Variants in AMOTL1 observed in about 807,000 individuals in gnomAD.
The protein encoded by AMOTL1 is angiomotin-like protein 1.
In AMOTL1, 45 loss-of-function variants were observed where a neutral mutation model predicts 102.9. That is an observed-to-expected ratio of 0.44 (90% CI 0.34 to 0.56). The LOEUF is 0.56. Ranked by LOEUF, AMOTL1 falls within the 20% of genes least tolerant of loss-of-function variation. The pLI, the probability that AMOTL1 is intolerant of heterozygous loss-of-function variation, is 0.01. For synonymous variants in AMOTL1, 481 were observed against 484.7 expected (o/e 0.99, Z 0.10); for missense variants, 1,114 against 1,225.6 (o/e 0.91, Z 1.36).
intron 3 of AMOTL1, among the ~76,000 whole-genome samples, chr11:94,811,431 G>A (rs940762699): frequency 1.3e-5 from 2 of 152,028 alleles, no homozygotes; most frequent in African/African-American, 2.4e-5. Context: ...GGAGGTGGAG[G>A]TTGCAGTAAG....
At chr11:94,769,442 G>C (rs943586055) in intron 1 of AMOTL1, among the ~76,000 whole-genome samples, 1 of 152,120 alleles carries the variant, frequency 6.6e-6, no homozygotes, top group African/African-American at 2.4e-5. Flanking sequence ...CCGCTACCTG[G>C]ACTGCGCTCG....
chr11:94,849,488 C>A (rs903912347), intron 6 of AMOTL1, among the ~76,000 whole-genome samples: 1 of 152,150 alleles, frequency 6.6e-6, no homozygotes, highest in Non-Finnish European at 1.5e-5. Flanking sequence ...AGGCAGTGAT[C>A]GCCATCATTA....
At chr11:94,755,198 G>A (rs1286265579) in intron 3 of AMOTL1, among the ~76,000 whole-genome samples, 1 of 152,178 alleles carries the variant, frequency 6.6e-6, no homozygotes, top group Non-Finnish European at 1.5e-5. Context: ...TTTGATGCGT[G>A]CTTCACTGTG....
chr11:94,838,376 A>G lies in AMOTL1; in HGVS notation c.1648+6835A>G, dbSNP rs191679559. On this transcript the variant is annotated intron_variant, in intron 6 of 12. Transcript: ENST00000433060. ...CATATAGGCTATCTACTATCAACTC[A>G]CTGTGTTTTAGGCCACAAGTCAGCA... Among the ~76,000 whole-genome samples, 88 of 152,340 alleles carry G rather than the reference A, an allele frequency of 5.8e-4. 1 individual carries two copies. The highest frequency in any genetic ancestry group is 7.9e-4 in the Non-Finnish European group (54 of 68,024).
Position 94,840,285 on chromosome 11 carries a change from G to A in AMOTL1, c.1648+8744G>A, listed in dbSNP as rs530716484. On this transcript the variant is annotated intron_variant, in intron 6 of 12. Coordinates refer to ENST00000433060, the MANE Select transcript of AMOTL1 (RefSeq NM_130847.3). ...TGAGAGCCTACAGCTGTATCTTAATGGATTCAGAGAACTTTTGAGGGGACA... is the reference window on the plus strand; with the variant it reads ...TGAGAGCCTACAGCTGTATCTTAATAGATTCAGAGAACTTTTGAGGGGACA... Among the ~76,000 whole-genome samples the A allele has an allele frequency of 8.8e-4, 134 of 152,240 alleles. 1 individual carries two copies. Among genetic ancestry groups the A allele is most frequent in the African/African-American group, 3.1e-3 (130 of 41,542 alleles).
intron 9 of AMOTL1, among the ~76,000 whole-genome samples, chr11:94,862,089 G>A (rs1952786129): frequency 6.6e-6 from 1 of 152,138 alleles, no homozygotes; most frequent in Non-Finnish European, 1.5e-5. Context: ...TGGATGGGCA[G>A]AGGGAGCCCC....
intron 3 of AMOTL1, among the ~76,000 whole-genome samples, chr11:94,752,271 C>T (rs536578414): frequency 2.4e-4 from 36 of 152,238 alleles, no homozygotes; most frequent in African/African-American, 8.7e-4. Flanking sequence ...CCTCAGCCCC[C>T]ACTCACCTCC....
intron 3 of AMOTL1, among the ~76,000 whole-genome samples, chr11:94,752,615 C>A (rs921962957): frequency 1.3e-5 from 2 of 152,178 alleles, no homozygotes; most frequent in African/African-American, 4.8e-5. Context: ...ACCCCCAAAT[C>A]TAGAGTGGAC....
At chr11:94,712,746 G>C (rs895384422) in intron 1 of AMOTL1, among the ~76,000 whole-genome samples, 3 of 151,852 alleles carry the variant, frequency 2.0e-5, no homozygotes, top group Non-Finnish European at 4.4e-5. Context: ...TCCTTTATTA[G>C]ATGTATGGTT....
chr11:94,830,902 T>A (rs75050034), intron 5 of AMOTL1, among the ~76,000 whole-genome samples: 2 of 152,270 alleles, frequency 1.3e-5, no homozygotes, highest in Non-Finnish European at 1.5e-5. Context: ...ATCATCTGCA[T>A]CCAGTGAATA....
chr11:94,789,250 C>CT (rs1951241576), intron 1 of AMOTL1, among the ~76,000 whole-genome samples: 2 of 152,290 alleles, frequency 1.3e-5, no homozygotes, highest in East Asian at 3.9e-4. Context: ...CCTTTGCCTC[C>CT]TGGGTTCAAG....
intron 3 of AMOTL1, among the ~76,000 whole-genome samples, chr11:94,755,798 G>T (rs987146420): frequency 2.6e-5 from 4 of 152,204 alleles, no homozygotes; most frequent in Admixed American, 2.6e-4. Flanking sequence ...CGAAGCCCCA[G>T]TGGGTGTGTG....
chr11:94,841,792 A>T (rs1254150926), intron 6 of AMOTL1, among the ~76,000 whole-genome samples: 1 of 151,886 alleles, frequency 6.6e-6, no homozygotes, highest in African/African-American at 2.4e-5. Context: ...TTGGGTGGGT[A>T]AAAAAACCTC....
Position 94,869,472 on chromosome 11 carries a change from G to A in AMOTL1, c.2763G>A (p.Leu921=). The A allele has an allele frequency of 6.3e-7, 1 of 1,592,800 alleles. No individual in the cohort carries two copies. Reference sequence around the variant, plus strand: ...CGGCCAAAGGGACCGCAGAGAAACTGGGTATGTGGGCTACCCCACCTTGAT... The same window carrying A: ...CGGCCAAAGGGACCGCAGAGAAACTAGGTATGTGGGCTACCCCACCTTGAT... The part of the protein sequence containing the change: ...HPAAKGTAEK[L]ENSPGHGKSP... The change falls in exon 12 of 13, where the codon CTG becomes CTA. Residue 921 remains leucine (L), a splice_region_variant and synonymous_variant. Coordinates refer to ENST00000433060, the MANE Select transcript of AMOTL1 (RefSeq NM_130847.3).
At chr11:94,854,159 C>T in intron 8 of AMOTL1, 77 bp downstream of exon 8, 3 of 1,439,098 alleles carry the variant, frequency 2.1e-6, no homozygotes, top group Non-Finnish European at 2.8e-6. Flanking sequence ...TACCATGGGC[C>T]AGATCCTGCA....
chr11:94,870,846 G>A lies in AMOTL1; in HGVS notation c.*51G>A, dbSNP rs1952983053. 23 of 1,461,170 alleles carry A rather than the reference G, an allele frequency of 1.6e-5. No homozygotes were observed. Among genetic ancestry groups the A allele is most frequent in the East Asian group, 9.9e-5 (4 of 40,468 alleles). The allele number at this position is 1,461,170 out of a possible 1,614,324, so 90.5% of individuals were successfully genotyped here. ...CAGAACACTGACAAACAAGGAAAGC[G>A]GCAGAGAAAGAAGAAAGACCTAGAA... On this transcript the variant is annotated 3_prime_UTR_variant, in exon 13 of 13. Coordinates refer to ENST00000433060, the MANE Select transcript of AMOTL1 (RefSeq NM_130847.3).
At chr11:94,738,249 T>C (rs927157802) in intron 2 of AMOTL1, among the ~76,000 whole-genome samples, 2 of 125,062 alleles carry the variant, frequency 1.6e-5, no homozygotes, top group East Asian at 5.1e-4. Flanking sequence ...CCAGAGAGCA[T>C]AATTTTGTGC....
At chr11:94,811,807 G>A (rs927490526) in intron 3 of AMOTL1, among the ~76,000 whole-genome samples, 1 of 152,150 alleles carries the variant, frequency 6.6e-6, no homozygotes, top group Non-Finnish European at 1.5e-5. Flanking sequence ...GTTAAGTTTA[G>A]CCAAGACAAA....
rs4540807 is a variant in AMOTL1 at position 94,719,215 on chromosome 11, A to G, written c.-50-9706A>G. On this transcript the variant is annotated intron_variant, in intron 1 of 4. Coordinates refer to the AMOTL1 transcript ENST00000299004. Reference sequence around the variant, plus strand: ...TTTGGACTTCCTATTCTGTGCTACCAAATAATTTATTTATTCCAGTAATAA... The same window carrying G: ...TTTGGACTTCCTATTCTGTGCTACCGAATAATTTATTTATTCCAGTAATAA... Among the ~76,000 whole-genome samples the G allele has an allele frequency of 3.3e-3, 496 of 152,184 alleles. 4 individuals are homozygous for G. Among genetic ancestry groups the G allele is most frequent in the African/African-American group, 0.011 (474 of 41,544 alleles).
Sources: gnomAD v4.1 joint callset for allele counts (sites outside exome capture counted in the v4.1 genomes callset) on GRCh38, gnomAD v4.1.1 for gene constraint, MANE v1.5 for transcripts, NCBI Gene and HGNC (gene_info 2026-07-23, HGNC 2026-07-21) for gene names.